Variants in FANK1 observed in about 807,000 individuals in gnomAD.
FANK1 encodes the protein fibronectin type 3 and ankyrin repeat domains protein 1.
A neutral mutation model predicts 45.3 loss-of-function variants in FANK1; 44 were observed. The observed-to-expected ratio is 0.97, with a 90% confidence interval of 0.76 to 1.25. The LOEUF (loss-of-function observed/expected upper bound fraction) is 1.25. FANK1 is among the 50% of genes most tolerant of loss of function. FANK1 has a pLI of 0.00. For missense variants in FANK1, 391 were observed against 424.4 expected (o/e 0.92, Z 0.69); for synonymous variants, 149 against 152.5 (o/e 0.98, Z 0.17).
intron 6 of FANK1, among the ~76,000 whole-genome samples, chr10:126,000,789 CA>C (rs1276447018): frequency 4.6e-5 from 7 of 151,992 alleles, no homozygotes; most frequent in Non-Finnish European, 4.4e-5. Flanking sequence ...GACAAATTAC[CA>C]GCATCTTTAA....
At chr10:125,898,414 C>A (rs537455176) in intron 1 of FANK1, among the ~76,000 whole-genome samples, 1 of 152,026 alleles carries the variant, frequency 6.6e-6, no homozygotes, top group African/African-American at 2.4e-5. Context: ...CTCCTGAGGT[C>A]TTGGTGGGGT....
chr10:125,922,689 A>G (rs914540344), intron 1 of FANK1, among the ~76,000 whole-genome samples: 1 of 151,920 alleles, frequency 6.6e-6, no homozygotes, highest in African/African-American at 2.4e-5. Flanking sequence ...TAATTTTTGT[A>G]TTTTTTATAA....
chr10:125,907,244 G>C (rs1324462974), intron 1 of FANK1, among the ~76,000 whole-genome samples: 5 of 152,192 alleles, frequency 3.3e-5, no homozygotes, highest in Non-Finnish European at 7.3e-5. Context: ...AGGATCTATA[G>C]TGATAACTCT....
intron 1 of FANK1, among the ~76,000 whole-genome samples, chr10:125,962,423 C>T (rs1047236393): frequency 5.9e-5 from 9 of 152,090 alleles, no homozygotes; most frequent in African/African-American, 1.2e-4. Context: ...TCTTGTTTCT[C>T]GTCTCTTCCT....
At position 125,934,481 on chromosome 10, in the gene FANK1, G is replaced by A. The variant is rs535468409; in HGVS notation, c.13+37826G>A. ...AGTAGGTGGCAATGTTGGGCAGGCAGATGAAGGCTCCGGGATGTCTGGCTA... is the reference window on the plus strand; with the variant it reads ...AGTAGGTGGCAATGTTGGGCAGGCAAATGAAGGCTCCGGGATGTCTGGCTA... On this transcript the variant is annotated intron_variant, in intron 1 of 10. Coordinates refer to ENST00000368693, the MANE Select transcript of FANK1 (RefSeq NM_145235.5). 4.1e-4 allele frequency among the ~76,000 whole-genome samples: 63 copies of A among 152,212 alleles called. 1 individual carries two copies. The East Asian group carries it at 0.01, about 24-fold the overall frequency.
intron 1 of FANK1, among the ~76,000 whole-genome samples, chr10:125,920,790 A>G (rs1430140945): frequency 6.6e-6 from 1 of 152,190 alleles, no homozygotes; most frequent in Non-Finnish European, 1.5e-5. Context: ...TAAAAGGTTT[A>G]ATATGAGTTT....
At chr10:125,969,882 C>T (rs1469104064) in intron 1 of FANK1, among the ~76,000 whole-genome samples, 1 of 152,138 alleles carries the variant, frequency 6.6e-6, no homozygotes, top group East Asian at 1.9e-4. Flanking sequence ...TCTTGCACTG[C>T]CCTTAATCCA....
rs1247364439 is a variant in FANK1 at position 125,972,970 on chromosome 10, G to A, written c.14-7191G>A. 4 of 151,776 alleles carry A rather than the reference G, an allele frequency of 2.6e-5. No individual in the cohort carries two copies. The East Asian group carries it at 5.8e-4, about 22-fold the overall frequency. The allele number at this position is 151,776 out of a possible 1,614,324, so 9.4% of individuals were successfully genotyped here. On this transcript the variant is annotated intron_variant, in intron 1 of 10. Coordinates refer to ENST00000368693, the MANE Select transcript of FANK1 (RefSeq NM_145235.5). ...CCAAGCACCACACCCACCTTTTCCGGGCTCTGTACCAGATCTGGAGGGGTG... is the reference window on the plus strand; with the variant it reads ...CCAAGCACCACACCCACCTTTTCCGAGCTCTGTACCAGATCTGGAGGGGTG...
chr10:125,944,980 C>A lies in FANK1; in HGVS notation c.14-35181C>A, dbSNP rs1011754990. 5.3e-5 allele frequency among the ~76,000 whole-genome samples: 8 copies of A among 152,192 alleles called. No homozygotes were observed. The East Asian group carries it at 9.6e-4, about 18-fold the overall frequency. On this transcript the variant is annotated intron_variant, in intron 1 of 10. Coordinates refer to ENST00000368693, the MANE Select transcript of FANK1 (RefSeq NM_145235.5). Reference sequence around the variant, plus strand: ...CTCTAGTGCTGCTAGGTTAGGGTCTCCCCAACCGAGCTTGTCTCCACACCT... The same window carrying A: ...CTCTAGTGCTGCTAGGTTAGGGTCTACCCAACCGAGCTTGTCTCCACACCT...
At chr10:125,995,367 G>T (rs369995077) in intron 3 of FANK1, 50 bp from the exon 4 acceptor site, 2 of 1,561,440 alleles carry the variant, frequency 1.3e-6, no homozygotes, top group Admixed American at 1.7e-5. Flanking sequence ...GCGGGAAGCA[G>T]TCTCCTTTTC....
intron 1 of FANK1, among the ~76,000 whole-genome samples, chr10:125,900,825 A>G (rs1379264345): frequency 1.3e-5 from 2 of 151,924 alleles, no homozygotes; most frequent in Admixed American, 6.6e-5. Flanking sequence ...CTAATTTTGT[A>G]TTTTTATAGA....
At chr10:125,914,774 A>G (rs1946313961) in intron 1 of FANK1, among the ~76,000 whole-genome samples, 1 of 152,044 alleles carries the variant, frequency 6.6e-6, no homozygotes, top group Non-Finnish European at 1.5e-5. Flanking sequence ...TTGTGAGCTT[A>G]TTTTCGCTGC....
intron 7 of FANK1, among the ~76,000 whole-genome samples, chr10:126,005,475 T>C (rs1311018738): frequency 6.6e-6 from 1 of 151,974 alleles, no homozygotes; most frequent in Non-Finnish European, 1.5e-5. Flanking sequence ...GCCCAACTAA[T>C]TTTTGTATTT....
At chr10:125,981,234 A>G (rs1221156342) in intron 2 of FANK1, among the ~76,000 whole-genome samples, 1 of 152,198 alleles carries the variant, frequency 6.6e-6, no homozygotes, top group Non-Finnish European at 1.5e-5. Flanking sequence ...TTGGCCAGGC[A>G]TGGTGGCTCA....
At chr10:125,953,794 G>T (rs1371758494) in intron 1 of FANK1, among the ~76,000 whole-genome samples, 1 of 152,192 alleles carries the variant, frequency 6.6e-6, no homozygotes, top group Non-Finnish European at 1.5e-5. Flanking sequence ...CCTCCTAGCT[G>T]GGCACGCTGC....
chr10:125,904,697 G>T (rs1333829288), intron 1 of FANK1, among the ~76,000 whole-genome samples: 2 of 151,356 alleles, frequency 1.3e-5, no homozygotes, highest in South Asian at 4.2e-4. Context: ...TTTTAAAAAT[G>T]ACTTTTGGGC....
At chr10:125,952,027 G>A (rs929221195) in intron 1 of FANK1, among the ~76,000 whole-genome samples, 1 of 152,152 alleles carries the variant, frequency 6.6e-6, no homozygotes, top group African/African-American at 2.4e-5. Context: ...TTTGCATGCT[G>A]CTTTATCTGG....
intron 7 of FANK1, among the ~76,000 whole-genome samples, chr10:126,007,559 C>T (rs1472907620): frequency 6.6e-5 from 10 of 152,144 alleles, no homozygotes; most frequent in Non-Finnish European, 1.5e-4. Flanking sequence ...CTGGAAATTC[C>T]TTGTTTGTTT....
intron 6 of FANK1, among the ~76,000 whole-genome samples, chr10:126,002,478 C>G (rs530797208): frequency 6.6e-6 from 1 of 152,328 alleles, no homozygotes; most frequent in South Asian, 2.1e-4. Flanking sequence ...ACCATGCTGA[C>G]TGTCTTCTGG....
Sources: allele counts gnomAD v4.1 joint callset (sites outside exome capture counted in the v4.1 genomes callset), GRCh38; gene constraint gnomAD v4.1.1; transcripts MANE v1.5; gene names NCBI Gene and HGNC (gene_info 2026-07-23, HGNC 2026-07-21).